MAP4: variants seen among roughly 807,000 people sequenced by gnomAD.
MAP4 encodes the protein microtubule associated protein 4, also known as microtubule-associated protein 4.
A neutral mutation model predicts 170.2 loss-of-function variants in MAP4; 76 were observed. The ratio of observed to expected loss-of-function variants is 0.45; its 90% confidence interval spans 0.37 to 0.54. The LOEUF is 0.54. MAP4 is among the 20% of genes least tolerant of loss of function. MAP4 has a pLI of 0.00. For missense variants in MAP4, 2,506 were observed against 2,748.0 expected (o/e 0.91, Z 1.97); for synonymous variants, 909 against 994.5 (o/e 0.91, Z 1.62).
rs2052543759 is a variant in MAP4 at position 47,855,045 on chromosome 3, G to A, written c.6696+203C>T. The A allele has an allele frequency of 1.8e-6, 1 of 552,244 alleles. No individual in the cohort carries two copies. Among genetic ancestry groups the A allele is most frequent in the Non-Finnish European group, 3.3e-6 (1 of 305,998 alleles). 34.2% of individuals were successfully genotyped at this position (552,244 alleles called of 1,614,324 possible). On this transcript the variant is annotated intron_variant, in intron 19 of 20. Coordinates refer to ENST00000683076, the MANE Select transcript of MAP4 (RefSeq NM_001385682.1). This position sits in a 1 kb window ranked among gnomAD's most constrained non-coding sequence, Gnocchi z 5.1. ...GTTCTGCCTCCAGCTGACAGGTGAG[G>A]GGTGGCTGGGCTGGGGCCTCTTCAC...
intron 3 of MAP4, chr3:47,975,131 A>G (rs1360002691): frequency 1.8e-6 from 2 of 1,105,512 alleles, no homozygotes; most frequent in Non-Finnish European, 2.2e-6. Context: ...GAATGAATCA[A>G]ATGATAAAAT....
Position 47,916,160 on chromosome 3 carries a change from G to A in MAP4, c.1667C>T (p.Ala556Val). 1 of 1,614,198 alleles carries A rather than the reference G, an allele frequency of 6.2e-7. No homozygotes were observed. Among genetic ancestry groups the A allele is most frequent in the Non-Finnish European group, 8.5e-7 (1 of 1,180,032 alleles). The stretch of plus-strand genomic sequence containing the variant: ...CAGAACCCCATCCTTAGCCAGGGGT[G>A]CTTCTGTTTTGAGGGCTGGGACCTG... ...EDQVPALKTE[A>V]PLAKDGVLTL... The change falls in exon 7 of 21, where the codon GCA (alanine) becomes GTA (valine). Residue 556 changes from alanine (A) to valine (V), a missense_variant. By Grantham distance (64) the Ala-to-Val change is moderately conservative (BLOSUM62 0). Around this residue, in one of 3 missense-constraint regions of MAP4, gnomAD observed 2,008 missense variants for 2,206.0 expected, o/e 0.91. Transcript: ENST00000683076.
intron 13 of MAP4, among the ~76,000 whole-genome samples, chr3:47,871,612 C>T (rs868760903): frequency 4.6e-5 from 7 of 152,162 alleles, no homozygotes; most frequent in Middle Eastern, 3.2e-3. Context: ...ATGAGCACCA[C>T]GTGCTAGGTG....
chr3:47,899,854 C>T (rs942348560), intron 10 of MAP4, among the ~76,000 whole-genome samples: 4 of 152,296 alleles, frequency 2.6e-5, no homozygotes, highest in Admixed American at 1.3e-4. Context: ...TTGAAGAAAG[C>T]GCATGGATTC....
intron 1 of MAP4, among the ~76,000 whole-genome samples, chr3:48,060,787 C>A (rs1036632813): frequency 1.3e-5 from 2 of 151,962 alleles, no homozygotes; most frequent in African/African-American, 4.8e-5. Context: ...AAAAATGTAG[C>A]CAGTCTTACA....
intron 3 of MAP4, among the ~76,000 whole-genome samples, chr3:47,965,786 A>G (rs1247407045): frequency 6.6e-6 from 1 of 152,116 alleles, no homozygotes; most frequent in Non-Finnish European, 1.5e-5. Flanking sequence ...TATTCTGGAT[A>G]TTAACTCCTG....
rs571316331 is a variant in MAP4 at position 48,059,957 on chromosome 3, A to C, written c.-20+28816T>G. Reference sequence around the variant, plus strand: ...CACTGCACTCTGGCCTGGGCCACAGAGTGAGACTCTGTCTCAAAAAAAAAA... The same window carrying C: ...CACTGCACTCTGGCCTGGGCCACAGCGTGAGACTCTGTCTCAAAAAAAAAA... On this transcript the variant is annotated intron_variant, in intron 1 of 18. Transcript: ENST00000360240. Among the ~76,000 whole-genome samples the C allele has an allele frequency of 9.5e-5, 14 of 147,126 alleles. No homozygotes were observed. The South Asian group carries it at 2.7e-3, about 28-fold the overall frequency.
intron 1 of MAP4, among the ~76,000 whole-genome samples, chr3:48,042,358 G>GAA (rs2100122057): frequency 6.6e-6 from 1 of 152,164 alleles, no homozygotes; most frequent in South Asian, 2.1e-4. Context: ...GGTGCTATAA[G>GAA]AATATCAGCA....
At chr3:48,004,313 G>C (rs2100101018) in intron 1 of MAP4, among the ~76,000 whole-genome samples, 1 of 152,190 alleles carries the variant, frequency 6.6e-6, no homozygotes, top group Non-Finnish European at 1.5e-5. Flanking sequence ...TATTTAGAGA[G>C]TTATGCAAAA....
At chr3:47,969,619 T>C (rs868675023) in intron 3 of MAP4, among the ~76,000 whole-genome samples, 1 of 152,180 alleles carries the variant, frequency 6.6e-6, no homozygotes, top group Admixed American at 6.5e-5. Context: ...CTATTTATTC[T>C]AGCTATTGCT....
chr3:47,876,244 G>C (rs755061304), intron 11 of MAP4, among the ~76,000 whole-genome samples: 14 of 150,576 alleles, frequency 9.3e-5, no homozygotes, highest in South Asian at 6.2e-4. Context: ...CGATTCTCCT[G>C]CCTCAGCCTC....
intron 10 of MAP4, among the ~76,000 whole-genome samples, chr3:47,886,489 A>C (rs1694894227): frequency 6.6e-6 from 1 of 152,000 alleles, no homozygotes. Context: ...TTCCATAGAG[A>C]TGGGTTTTTT....
At chr3:47,967,517 C>A (rs1056812032) in intron 3 of MAP4, among the ~76,000 whole-genome samples, 2 of 151,984 alleles carry the variant, frequency 1.3e-5, no homozygotes, top group Non-Finnish European at 2.9e-5. Context: ...CTGGGCATGG[C>A]GGCAGGCGCC....
At chr3:47,886,725 T>C (rs1295415885) in intron 10 of MAP4, among the ~76,000 whole-genome samples, 1 of 152,254 alleles carries the variant, frequency 6.6e-6, no homozygotes, top group African/African-American at 2.4e-5. Flanking sequence ...TTCCATTACC[T>C]ATACTACCAC....
Position 47,851,669 on chromosome 3 carries a change from T to G in MAP4, c.*1265A>C, listed in dbSNP as rs2042494208. 1 of 152,234 alleles carries G rather than the reference T, an allele frequency of 6.6e-6. No individual in the cohort carries two copies. The highest frequency in any genetic ancestry group is 1.5e-5 in the Non-Finnish European group (1 of 68,054). 9.4% of individuals were successfully genotyped at this position (152,234 alleles called of 1,614,324 possible). On this transcript the variant is annotated 3_prime_UTR_variant, in exon 21 of 21. Transcript: ENST00000683076. The stretch of plus-strand genomic sequence containing the variant: ...CCGGGATTTCTCCTCACTGCAGCCA[T>G]CCCAAGGCCTAGCTGGGATGCCCTC...
intron 10 of MAP4, chr3:47,891,574 G>T: frequency 6.5e-7 from 1 of 1,533,620 alleles, no homozygotes. Context: ...GAACTGAGAG[G>T]TGAGAACATT....
At chr3:47,969,599 G>A (rs1345194726) in intron 3 of MAP4, among the ~76,000 whole-genome samples, 1 of 152,126 alleles carries the variant, frequency 6.6e-6, no homozygotes, top group African/African-American at 2.4e-5. Context: ...CTCACACTCT[G>A]TTAAGTTCAC....
chr3:48,036,819 A>C (rs1465340361), intron 1 of MAP4, among the ~76,000 whole-genome samples: 3 of 152,262 alleles, frequency 2.0e-5, no homozygotes, highest in African/African-American at 7.2e-5. Context: ...AAGCTAATAT[A>C]GTATCTTCTG....
At chr3:47,871,177 G>A (rs773861593) in intron 14 of MAP4, 50 bp downstream of exon 14, 30 of 1,612,178 alleles carry the variant, frequency 1.9e-5, no homozygotes, top group East Asian at 2.2e-5. Context: ...AGCCACAGAG[G>A]AGGTGGGGGT....
Sources: allele counts gnomAD v4.1 joint callset (sites outside exome capture counted in the v4.1 genomes callset), GRCh38; gene constraint gnomAD v4.1.1; regional missense constraint gnomAD v4.1.1; non-coding constraint Gnocchi (gnomAD v3.1); transcripts MANE v1.5; gene names NCBI Gene and HGNC (gene_info 2026-07-23, HGNC 2026-07-21).